Variants in PTPRM observed in about 807,000 individuals in gnomAD.
PTPRM encodes protein tyrosine phosphatase receptor type M, also known as receptor-type tyrosine-protein phosphatase mu.
Under a neutral mutation model 186.7 loss-of-function variants are expected in PTPRM, and 47 were observed. The observed-to-expected ratio is 0.25, with a 90% CI of 0.20 to 0.32. The LOEUF is 0.32. Ranked by LOEUF, PTPRM falls within the 10% of genes least tolerant of loss-of-function variation. The probability of loss-of-function intolerance (pLI) is 1.00; values close to 1 mark genes in which losing one functional copy is unlikely to be tolerated. For missense variants in PTPRM, 1,494 were observed against 1,865.0 expected, an observed-to-expected ratio of 0.80 and a Z score of 3.66; for synonymous variants, 668 against 674.9, an observed-to-expected ratio of 0.99 and a Z score of 0.16.
At chr18:8,387,567 G>T (rs552430505) in intron 31 of PTPRM, among the ~76,000 whole-genome samples, 2 of 151,566 alleles carry the variant, frequency 1.3e-5, no homozygotes, top group Admixed American at 6.5e-5. Context: ...TTTCTGAGCT[G>T]GGTCTTCAAC....
At position 7,897,362 on chromosome 18, in the gene PTPRM, A is replaced by G. The variant is rs116567343; in HGVS notation, c.468+8985A>G. On this transcript the variant is annotated intron_variant, in intron 3 of 32. Coordinates refer to ENST00000580170, the MANE Select transcript of PTPRM (RefSeq NM_001105244.2). ...CATAAATTCCTTGGCTATGGCCCTT[A>G]TTCCAAGTGCAAGACAATTGAATTG... is the stretch of plus-strand genomic sequence containing the variant. Among the ~76,000 whole-genome samples, 573 of 152,330 alleles carry G rather than the reference A, an allele frequency of 3.8e-3. 2 individuals are homozygous for G. The highest frequency in any genetic ancestry group is 0.013 in the African/African-American group (558 of 41,580).
chr18:8,275,487 C>T (rs2094823345), intron 19 of PTPRM, among the ~76,000 whole-genome samples: 1 of 152,020 alleles, frequency 6.6e-6, no homozygotes, highest in Admixed American at 6.6e-5. Context: ...AACTCTGTTG[C>T]GTTTAGAGCT....
intron 14 of PTPRM, among the ~76,000 whole-genome samples, chr18:8,173,716 G>T: frequency 6.6e-6 from 1 of 152,200 alleles, no homozygotes; most frequent in East Asian, 1.9e-4. Context: ...GGATCTGTTG[G>T]TGGGTCTGTG....
chr18:7,659,528 A>G (rs1030280416), intron 1 of PTPRM, among the ~76,000 whole-genome samples: 2 of 152,186 alleles, frequency 1.3e-5, no homozygotes, highest in East Asian at 3.9e-4. Flanking sequence ...GCTCCAAGTG[A>G]GGACAGGCCT....
intron 1 of PTPRM, among the ~76,000 whole-genome samples, chr18:7,577,250 A>G (rs2036711519): frequency 6.6e-6 from 1 of 152,216 alleles, no homozygotes; most frequent in Non-Finnish European, 1.5e-5. Context: ...AATTAAATAT[A>G]TAAAAGTAAG....
At chr18:7,675,581 C>T (rs990326025) in intron 1 of PTPRM, among the ~76,000 whole-genome samples, 1 of 152,124 alleles carries the variant, frequency 6.6e-6, no homozygotes, top group Non-Finnish European at 1.5e-5. Context: ...GACAAGTTTT[C>T]AGAAGTTCCC....
intron 4 of PTPRM, among the ~76,000 whole-genome samples, chr18:7,919,502 C>A (rs535885587): frequency 6.6e-6 from 1 of 152,072 alleles, no homozygotes; most frequent in African/African-American, 2.4e-5. Context: ...TTTTAAATTT[C>A]CACGTATTTG....
At chr18:8,240,765 GGAGAGAGA>G (rs1462433773) in intron 14 of PTPRM, among the ~76,000 whole-genome samples, 1 of 102,092 alleles carries the variant, frequency 9.8e-6, no homozygotes, top group Non-Finnish European at 1.8e-5. Context: ...AGGGAGGGAG[GGAGAGAGA>G]GAGGGAGAGA....
intron 1 of PTPRM, among the ~76,000 whole-genome samples, chr18:7,691,820 A>G (rs118053160): frequency 0.027 from 4,142 of 152,174 alleles, 75 homozygotes; most frequent in Non-Finnish European, 0.039. Flanking sequence ...TCGTAGTCCA[A>G]GCTACTCAGG....
rs570714658 is a variant in PTPRM at position 7,838,087 on chromosome 18, G to A, written c.197-50019G>A. 4.9e-4 allele frequency among the ~76,000 whole-genome samples: 75 copies of A among 152,236 alleles called. 1 individual carries two copies. The highest frequency in any genetic ancestry group is 3.1e-3 in the Admixed American group (47 of 15,288). On this transcript the variant is annotated intron_variant, in intron 2 of 32. Transcript: ENST00000580170. ...CTCAGGCTGCTGTGAAGAACTGCCCGAGACTGGGTAATTTATAAAGAGGTT... is the reference window on the plus strand; with the variant it reads ...CTCAGGCTGCTGTGAAGAACTGCCCAAGACTGGGTAATTTATAAAGAGGTT...
chr18:7,820,970 C>A (rs1380489639), intron 2 of PTPRM, among the ~76,000 whole-genome samples: 2 of 152,138 alleles, frequency 1.3e-5, no homozygotes, highest in African/African-American at 4.8e-5. Flanking sequence ...GGTCAGCTGC[C>A]CCCCAAGGAC....
intron 32 of PTPRM, among the ~76,000 whole-genome samples, chr18:8,401,472 G>A (rs892756331): frequency 2.0e-5 from 3 of 152,200 alleles, no homozygotes; most frequent in East Asian, 1.9e-4. Flanking sequence ...TAGGGCCCAC[G>A]CTGCCCTTCT....
At chr18:7,706,688 T>C (rs2040101810) in intron 1 of PTPRM, among the ~76,000 whole-genome samples, 3 of 149,926 alleles carry the variant, frequency 2.0e-5, no homozygotes, top group Admixed American at 2.0e-4. Flanking sequence ...GAAACCAAGA[T>C]TCTGGTATGG....
intron 1 of PTPRM, among the ~76,000 whole-genome samples, chr18:7,746,281 A>C (rs2040983470): frequency 6.6e-6 from 1 of 152,204 alleles, no homozygotes; most frequent in Admixed American, 6.5e-5. Context: ...AGCAACAATA[A>C]GATTTTCAGT....
At chr18:8,350,749 G>A (rs1476288227) in intron 23 of PTPRM, among the ~76,000 whole-genome samples, 2 of 152,144 alleles carry the variant, frequency 1.3e-5, no homozygotes, top group Non-Finnish European at 1.5e-5. Context: ...TCTAGTCTAC[G>A]GCAAGCTTAT....
At chr18:8,012,834 A>G (rs868416209) in intron 7 of PTPRM, among the ~76,000 whole-genome samples, 1 of 152,142 alleles carries the variant, frequency 6.6e-6, no homozygotes, top group Non-Finnish European at 1.5e-5. Context: ...AATTCATTGA[A>G]TTTTTTATTT....
At chr18:8,096,135 A>G (rs2091005322) in intron 11 of PTPRM, among the ~76,000 whole-genome samples, 1 of 152,144 alleles carries the variant, frequency 6.6e-6, no homozygotes, top group African/African-American at 2.4e-5. Flanking sequence ...TGTGGGTGGC[A>G]CCTCTGGTTA....
intron 14 of PTPRM, among the ~76,000 whole-genome samples, chr18:8,213,059 C>T (rs1182547224): frequency 1.3e-5 from 2 of 152,162 alleles, no homozygotes; most frequent in Admixed American, 6.5e-5. Context: ...GCAGCACTGT[C>T]GAGAATGATG....
chr18:8,153,888 A>G (rs1336966014), intron 14 of PTPRM, among the ~76,000 whole-genome samples: 3 of 152,168 alleles, frequency 2.0e-5, no homozygotes, highest in Non-Finnish European at 4.4e-5. Context: ...CTCTGGCCCT[A>G]GTTTCCTCTT....
Sources: allele counts gnomAD v4.1 joint callset (sites outside exome capture counted in the v4.1 genomes callset), GRCh38; gene constraint gnomAD v4.1.1; transcripts MANE v1.5; gene names NCBI Gene and HGNC (gene_info 2026-07-23, HGNC 2026-07-21).